Variants in PLCL1 observed in about 807,000 individuals in gnomAD.
PLCL1 encodes inactive phospholipase C-like protein 1.
In PLCL1, 41 loss-of-function variants were observed where a neutral mutation model predicts 84.4. The observed-to-expected ratio is 0.49, with a 90% CI of 0.38 to 0.63. PLCL1 has a LOEUF of 0.63. PLCL1 is among the 30% of genes least tolerant of loss of function. The probability of loss-of-function intolerance (pLI) is 0.00; values close to 1 mark genes in which losing one functional copy is unlikely to be tolerated. For missense variants in PLCL1, 1,206 were observed against 1,367.8 expected (o/e 0.88, Z 1.87); for synonymous variants, 490 against 488.3 (o/e 1.00, Z -0.05).
At chr2:197,983,200 C>CTTTTTTTCTT (rs1690150482) in intron 1 of PLCL1, among the ~76,000 whole-genome samples, 1 of 60,256 alleles carries the variant, frequency 1.7e-5, no homozygotes, top group African/African-American at 6.4e-5. Flanking sequence ...CTTTTCTTTT[C>CTTTTTTTCTT]TTTTTTTTTT....
chr2:198,093,124 GGCCTT>G (rs1169096735), intron 3 of PLCL1, among the ~76,000 whole-genome samples: 4 of 152,126 alleles, frequency 2.6e-5, no homozygotes, highest in African/African-American at 4.8e-5. Context: ...TATTTGCCAG[GGCCTT>G]TGAGTGGGTC....
At chr2:197,922,862 C>T (rs1306415225) in intron 1 of PLCL1, among the ~76,000 whole-genome samples, 4 of 123,784 alleles carry the variant, frequency 3.2e-5, no homozygotes, top group African/African-American at 5.9e-5. Context: ...CGGGCAGAGG[C>T]GCCCCTCACC....
At chr2:198,066,818 T>C (rs527290594) in intron 1 of PLCL1, among the ~76,000 whole-genome samples, 1 of 152,290 alleles carries the variant, frequency 6.6e-6, no homozygotes, top group East Asian at 1.9e-4. Flanking sequence ...ACTATTTGCC[T>C]GGCAATTTGC....
chr2:197,970,501 C>T (rs1458485386), intron 1 of PLCL1, among the ~76,000 whole-genome samples: 2 of 152,102 alleles, frequency 1.3e-5, no homozygotes, highest in South Asian at 2.1e-4. Context: ...AAAACCCATG[C>T]TGAATTTTGA....
rs1249939618 is a variant in PLCL1, at chr2:198,083,819, C to T, written c.302C>T (p.Ser101Leu). 5.8e-5 allele frequency: 94 copies of T among 1,609,248 alleles called. No individual in the cohort carries two copies. Among genetic ancestry groups the T allele is most frequent in the Non-Finnish European group, 7.4e-5 (87 of 1,177,116 alleles). ...ACCGTGTCTTTCAGCAGCATGCCAT[C>T]GGAAAAGAAAATTAGCAGTGCAAAT... ...KKTVSFSSMP[S>L]EKKISSANDC... Residue 101 changes from serine (S) to leucine (L), a missense_variant, in exon 2 of 6, where the codon TCG becomes TTG. Coordinates refer to ENST00000428675, the MANE Select transcript of PLCL1 (RefSeq NM_006226.4).
At position 197,805,234 on chromosome 2, in the gene PLCL1, T is replaced by A; in HGVS notation, c.135T>A (p.Arg45=). 7.9e-7 allele frequency: 1 copy of A among 1,270,026 alleles called. No individual in the cohort carries two copies. Among genetic ancestry groups the A allele is most frequent in the African/African-American group, 1.5e-5 (1 of 64,614 alleles). 78.7% of individuals were successfully genotyped at this position (1,270,026 alleles called of 1,614,324 possible). The stretch of plus-strand genomic sequence containing the variant: ...CCTCTGGGGGCCGGATGAGGGACCG[T>A]CGCAGCGGGGTCGCACTGCCAGGCG... The part of the protein sequence containing the change: ...TAASGGRMRD[R]RSGVALPGAA... Residue 45 remains arginine (R), a synonymous_variant, in exon 1 of 6, where the codon CGT becomes CGA. Transcript: ENST00000428675. The surrounding 1 kb of genome is among the most constrained non-coding windows in gnomAD (Gnocchi z 4.0).
intron 1 of PLCL1, among the ~76,000 whole-genome samples, chr2:198,023,320 A>G (rs1691183634): frequency 6.6e-6 from 1 of 152,250 alleles, no homozygotes; most frequent in African/African-American, 2.4e-5. Flanking sequence ...AGGCAATACC[A>G]TTCAGGACAT....
intron 1 of PLCL1, among the ~76,000 whole-genome samples, chr2:197,851,828 G>A (rs1023280588): frequency 6.6e-6 from 1 of 152,154 alleles, no homozygotes; most frequent in African/African-American, 2.4e-5. Flanking sequence ...AAGAAGTACT[G>A]GCACCTGGCC....
intron 1 of PLCL1, among the ~76,000 whole-genome samples, chr2:198,058,450 T>C (rs1692116776): frequency 1.3e-5 from 2 of 151,982 alleles, no homozygotes; most frequent in South Asian, 4.1e-4. Context: ...AGTCAAATCA[T>C]AGAAAAGAAT....
intron 1 of PLCL1, among the ~76,000 whole-genome samples, chr2:197,969,048 T>C (rs1042275915): frequency 1.3e-5 from 2 of 152,136 alleles, no homozygotes; most frequent in African/African-American, 2.4e-5. Context: ...TAGATTTTCA[T>C]AGGAGTGGTA....
At chr2:197,950,828 C>T (rs1470681415) in intron 1 of PLCL1, among the ~76,000 whole-genome samples, 1 of 152,076 alleles carries the variant, frequency 6.6e-6, no homozygotes, top group African/African-American at 2.4e-5. Flanking sequence ...GAGCAGTTGC[C>T]TAATATTCTC....
At chr2:197,977,364 G>T (rs761406109) in intron 1 of PLCL1, among the ~76,000 whole-genome samples, 2 of 151,800 alleles carry the variant, frequency 1.3e-5, no homozygotes, top group Non-Finnish European at 2.9e-5. Context: ...CAGGGGCCGT[G>T]CAGAGACCAG....
intron 5 of PLCL1, among the ~76,000 whole-genome samples, chr2:198,120,983 A>C (rs1388985177): frequency 6.6e-5 from 10 of 151,892 alleles, no homozygotes. Context: ...AGCATTTTTT[A>C]TTGCCTGTCT....
Position 197,890,769 on chromosome 2 carries a change from T to C in PLCL1, c.240+85430T>C, listed in dbSNP as rs191347982. On this transcript the variant is annotated intron_variant, in intron 1 of 5. Coordinates refer to ENST00000428675, the MANE Select transcript of PLCL1 (RefSeq NM_006226.4). Reference sequence around the variant, plus strand: ...GTATACGTATGTATATATACATATATACACATATATATGTATATATGTATA... The same window carrying C: ...GTATACGTATGTATATATACATATACACACATATATATGTATATATGTATA... 3.4e-3 allele frequency among the ~76,000 whole-genome samples: 498 copies of C among 146,768 alleles called. 2 individuals are homozygous for C. Among genetic ancestry groups the C allele is most frequent in the Non-Finnish European group, 5.5e-3 (367 of 67,012 alleles).
intron 1 of PLCL1, among the ~76,000 whole-genome samples, chr2:197,835,693 C>G (rs73054867): frequency 0.19 from 29,575 of 152,114 alleles, 2,936 homozygotes; most frequent in East Asian, 0.27. Flanking sequence ...TAAAATGGGA[C>G]TAGCAATTTA....
intron 1 of PLCL1, among the ~76,000 whole-genome samples, chr2:197,914,776 G>A (rs1430430756): frequency 6.6e-6 from 1 of 152,178 alleles, no homozygotes; most frequent in Non-Finnish European, 1.5e-5. Context: ...GGGTTACAGA[G>A]ATGAGAGGAC....
intron 1 of PLCL1, among the ~76,000 whole-genome samples, chr2:198,013,054 C>T (rs1366931846): frequency 6.6e-6 from 1 of 151,982 alleles, no homozygotes; most frequent in East Asian, 1.9e-4. Context: ...ATAGATTTAT[C>T]ATTACTTTTT....
chr2:198,078,292 G>A lies in PLCL1; in HGVS notation c.241-5466G>A, dbSNP rs189353823. Among the ~76,000 whole-genome samples, 103 of 152,264 alleles carry A rather than the reference G, an allele frequency of 6.8e-4. 3 individuals carry two copies. The South Asian group carries it at 0.013, about 20-fold the overall frequency. On this transcript the variant is annotated intron_variant, in intron 1 of 5. Transcript: ENST00000428675. ...GAAGAATAAGACCAGAGGCTTCTCA[G>A]TATCCAAGGTTGGAGTTATCTGGAT... is the stretch of plus-strand genomic sequence containing the variant.
intron 5 of PLCL1, among the ~76,000 whole-genome samples, chr2:198,124,244 G>A (rs980946647): frequency 6.6e-6 from 1 of 152,084 alleles, no homozygotes; most frequent in Non-Finnish European, 1.5e-5. Context: ...AATTTCACTA[G>A]CTTATCGCTC....
Sources: gnomAD v4.1 joint callset for allele counts (sites outside exome capture counted in the v4.1 genomes callset) on GRCh38, gnomAD v4.1.1 for gene constraint, Gnocchi (gnomAD v3.1) non-coding constraint, MANE v1.5 for transcripts, NCBI Gene and HGNC (gene_info 2026-07-23, HGNC 2026-07-21) for gene names.